The following NRG2 variants were observed in gnomAD, a reference collection of about 807,000 sequenced individuals.
The protein encoded by NRG2 is neuregulin 2.
In NRG2, 27 loss-of-function variants were observed where a neutral mutation model predicts 73.9. The observed-to-expected ratio is 0.37, with a 90% CI of 0.27 to 0.50. The LOEUF is 0.50. Among genes scored for constraint, NRG2 ranks in the 20% least tolerant of loss-of-function variants. The pLI, the probability that NRG2 is intolerant of heterozygous loss-of-function variation, is 0.96. For missense variants in NRG2, 1,126 were observed against 1,210.1 expected (o/e 0.93, Z 1.03); for synonymous variants, 532 against 541.0 (o/e 0.98, Z 0.23).
chr5:139,908,080 G>A (rs1421655806), intron 1 of NRG2, among the ~76,000 whole-genome samples: 1 of 152,236 alleles, frequency 6.6e-6, no homozygotes, highest in Non-Finnish European at 1.5e-5. Flanking sequence ...CATGTACCCA[G>A]GAAGCTGCAA....
chr5:139,856,092 G>T lies in NRG2; in HGVS notation c.1190-314C>A. 1 of 380,234 alleles carries T rather than the reference G, an allele frequency of 2.6e-6. No individual in the cohort carries two copies. Among genetic ancestry groups the T allele is most frequent in the Non-Finnish European group, 4.9e-6 (1 of 203,004 alleles). The allele number at this position is 380,234 out of a possible 1,614,324, so 23.6% of individuals were successfully genotyped here. A position where few individuals can be genotyped will look rare whatever the true frequency, so the allele number is the denominator to read the frequency against. On this transcript the variant is annotated intron_variant, in intron 5 of 9. Transcript: ENST00000361474. This position sits in a 1 kb window ranked among gnomAD's most constrained non-coding sequence, Gnocchi z 4.2. ...GGGAATGGGAAGGGATGGAGTGGAG[G>T]CAAAGCTCCCGAGGCTGTAGAGCAG...
chr5:139,871,674 C>A, intron 4 of NRG2, 47 bp downstream of exon 4: 2 of 1,610,194 alleles, frequency 1.2e-6, no homozygotes, highest in South Asian at 1.1e-5. Flanking sequence ...GACCCAGCAT[C>A]TCCTACCCTG....
intron 1 of NRG2, among the ~76,000 whole-genome samples, chr5:139,895,404 G>C (rs1330588743): frequency 6.6e-6 from 1 of 152,250 alleles, no homozygotes; most frequent in East Asian, 1.9e-4. Context: ...CAGGTTCACA[G>C]AGCAGGGCAG....
intron 1 of NRG2, among the ~76,000 whole-genome samples, chr5:139,984,253 G>A (rs1429347763): frequency 6.6e-6 from 1 of 152,112 alleles, no homozygotes; most frequent in Admixed American, 6.6e-5. Context: ...CTTATAAATG[G>A]CCTACACTTG....
chr5:139,906,537 CT>C (rs1046933003), intron 1 of NRG2, among the ~76,000 whole-genome samples: 1 of 152,176 alleles, frequency 6.6e-6, no homozygotes, highest in African/African-American at 2.4e-5. Context: ...CAGGATCTCT[CT>C]CCCTTTTTGG....
Position 139,847,300 on chromosome 5 carries a change from G to GT in NRG2, c.*616dup, listed in dbSNP as rs888095755. On this transcript the variant is annotated 3_prime_UTR_variant, in exon 10 of 10. Transcript: ENST00000361474. ...CTCTGCCCCCCCTCCTTTAACAGCT[G>GT]TGAGTAGCCAGGGCTTCCCCATTCG... 8 of 151,814 alleles carry GT rather than the reference G, an allele frequency of 5.3e-5. No homozygotes were observed. Among genetic ancestry groups the GT allele is most frequent in the African/African-American group, 1.7e-4 (7 of 41,236 alleles). 9.4% of individuals were successfully genotyped at this position (151,814 alleles called of 1,614,324 possible). A position where few individuals can be genotyped will look rare whatever the true frequency, so the allele number is the denominator to read the frequency against.
rs543727776 is a variant in NRG2 at position 139,864,418 on chromosome 5, G to A, written c.1189+1131C>T. ...TTTTTTTTTGCAAACTGTGCAAAAG[G>A]GAAAGCTCCAACCTCATAAGTTGAA... On this transcript the variant is annotated intron_variant, in intron 5 of 9. Transcript: ENST00000361474. Among the ~76,000 whole-genome samples the A allele has an allele frequency of 1.2e-3, 175 of 150,040 alleles. 4 individuals carry two copies. Among genetic ancestry groups the A allele is most frequent in the Admixed American group, 1.7e-3 (25 of 15,126 alleles).
At chr5:139,977,193 G>C (rs1268064461) in intron 1 of NRG2, among the ~76,000 whole-genome samples, 1 of 152,120 alleles carries the variant, frequency 6.6e-6, no homozygotes, top group African/African-American at 2.4e-5. Context: ...ACTGGGTTGG[G>C]ATATATGGAA....
chr5:139,853,157 A>G lies in NRG2; in HGVS notation c.1293-130T>C. ...GGCCATGGCTACTGCTCGTCCCTGT[A>G]CTCAAGCTGCCCTACAGCATCACTA... is the stretch of plus-strand genomic sequence containing the variant. On this transcript the variant is annotated intron_variant, in intron 6 of 9. Coordinates refer to ENST00000361474, the MANE Select transcript of NRG2 (RefSeq NM_004883.3). This position sits in a 1 kb window ranked among gnomAD's most constrained non-coding sequence, Gnocchi z 4.1. 8.0e-7 allele frequency: 1 copy of G among 1,253,294 alleles called. No homozygotes were observed. The highest frequency in any genetic ancestry group is 1.1e-6 in the Non-Finnish European group (1 of 895,876). The allele number at this position is 1,253,294 out of a possible 1,614,324, so 77.6% of individuals were successfully genotyped here.
intron 1 of NRG2, among the ~76,000 whole-genome samples, chr5:139,892,598 C>G (rs1361969098): frequency 6.6e-6 from 1 of 152,086 alleles, no homozygotes; most frequent in Admixed American, 6.5e-5. Flanking sequence ...TTGCCTGTTT[C>G]TCTTTTACAG....
intron 1 of NRG2, among the ~76,000 whole-genome samples, chr5:139,901,558 A>G (rs941480198): frequency 4.6e-5 from 7 of 152,242 alleles, no homozygotes; most frequent in Admixed American, 4.6e-4. Flanking sequence ...TCAGGGCAGC[A>G]TCTTTATCAG....
At position 139,865,024 on chromosome 5, in the gene NRG2, C is replaced by A; in HGVS notation, c.1189+525G>T. 1 of 1,089,098 alleles carries A rather than the reference C, an allele frequency of 9.2e-7. No homozygotes were observed. The highest frequency in any genetic ancestry group is 1.3e-5 in the South Asian group (1 of 79,712). 67.5% of individuals were successfully genotyped at this position (1,089,098 alleles called of 1,614,324 possible). On this transcript the variant is annotated intron_variant, in intron 5 of 9. Transcript: ENST00000361474. The surrounding 1 kb of genome is among the most constrained non-coding windows in gnomAD (Gnocchi z 5.2). Reference sequence around the variant, plus strand: ...GGAGCGCAGGACACCCTCTACATCTCCCCCTAGTCTTGCTAAGCAAGGCCC... The same window carrying A: ...GGAGCGCAGGACACCCTCTACATCTACCCCTAGTCTTGCTAAGCAAGGCCC...
chr5:139,892,023 C>T (rs1764241955), intron 1 of NRG2, among the ~76,000 whole-genome samples: 1 of 152,196 alleles, frequency 6.6e-6, no homozygotes, highest in African/African-American at 2.4e-5. Flanking sequence ...ATGCTAAAAG[C>T]CATGCCTCCT....
At chr5:139,879,872 G>A (rs752128888) in intron 3 of NRG2, among the ~76,000 whole-genome samples, 32 of 152,152 alleles carry the variant, frequency 2.1e-4, no homozygotes, top group Non-Finnish European at 4.0e-4. Context: ...CTGGGAGGAC[G>A]GGGTGTCCCT....
intron 1 of NRG2, among the ~76,000 whole-genome samples, chr5:139,930,348 A>G (rs1752384307): frequency 1.3e-5 from 2 of 152,210 alleles, no homozygotes; most frequent in Non-Finnish European, 1.5e-5. Flanking sequence ...GATCATGTCT[A>G]TAAGGCACGG....
intron 1 of NRG2, among the ~76,000 whole-genome samples, chr5:139,961,155 T>C (rs1055041746): frequency 6.6e-6 from 1 of 152,228 alleles, no homozygotes; most frequent in African/African-American, 2.4e-5. Context: ...TTTACGGTTC[T>C]TGCCTTGGTA....
At chr5:139,963,874 T>C (rs1262520752) in intron 1 of NRG2, among the ~76,000 whole-genome samples, 1 of 152,036 alleles carries the variant, frequency 6.6e-6, no homozygotes, top group Non-Finnish European at 1.5e-5. Context: ...ATCACAAGAG[T>C]TGGGGTTGTT....
At chr5:139,867,676 C>A (rs909179150) in intron 4 of NRG2, among the ~76,000 whole-genome samples, 1 of 151,972 alleles carries the variant, frequency 6.6e-6, no homozygotes, top group Non-Finnish European at 1.5e-5. Context: ...CCAAATGACT[C>A]TTGGATTCCA....
intron 1 of NRG2, among the ~76,000 whole-genome samples, chr5:139,908,186 T>G (rs1007438957): frequency 1.3e-5 from 2 of 152,264 alleles, no homozygotes; most frequent in African/African-American, 4.8e-5. Context: ...ACACTTGGAC[T>G]GCCAGCTGAG....
Sources: gnomAD v4.1 joint callset for allele counts (sites outside exome capture counted in the v4.1 genomes callset) on GRCh38, gnomAD v4.1.1 for gene constraint, Gnocchi (gnomAD v3.1) non-coding constraint, MANE v1.5 for transcripts, NCBI Gene and HGNC (gene_info 2026-07-23, HGNC 2026-07-21) for gene names.